Variants in PPM1L observed in about 807,000 individuals in gnomAD.
PPM1L encodes protein phosphatase, Mg2+/Mn2+ dependent 1L.
A neutral mutation model predicts 31.4 loss-of-function variants in PPM1L; 13 were observed. The ratio of observed to expected loss-of-function variants is 0.41; its 90% confidence interval spans 0.27 to 0.66. The LOEUF (loss-of-function observed/expected upper bound fraction) is 0.66. Among genes scored for constraint, PPM1L ranks in the 30% least tolerant of loss-of-function variants. The pLI is 0.29. For synonymous variants in PPM1L, 184 were observed against 175.4 expected (o/e 1.05, Z -0.39); for missense variants, 326 against 453.7 (o/e 0.72, Z 2.56).
rs188138654 is a variant in PPM1L at position 160,997,263 on chromosome 3, A to G, written c.574+35353A>G. 2.6e-4 allele frequency among the ~76,000 whole-genome samples: 39 copies of G among 152,300 alleles called. No individual in the cohort carries two copies. In the East Asian group the frequency reaches 5.6e-3, roughly 22 times the overall value. On this transcript the variant is annotated intron_variant, in intron 2 of 3. Transcript: ENST00000498165. ...AATGAGGAGGTGAAACCAAGGGGACAGTAAATGCTTGCAACAAGGAGCAGG... is the reference window on the plus strand; with the variant it reads ...AATGAGGAGGTGAAACCAAGGGGACGGTAAATGCTTGCAACAAGGAGCAGG...
chr3:160,874,673 A>C lies in PPM1L; in HGVS notation c.400-87063A>C, dbSNP rs533399890. Among the ~76,000 whole-genome samples the C allele has an allele frequency of 5.3e-4, 80 of 152,296 alleles. 1 individual carries two copies. The highest frequency in any genetic ancestry group is 1.1e-3 in the Non-Finnish European group (72 of 68,022). On this transcript the variant is annotated intron_variant, in intron 1 of 3. Coordinates refer to ENST00000498165, the MANE Select transcript of PPM1L (RefSeq NM_139245.4). ...CCCCTGCTTAAACCTATGTGGATGA[A>C]TAGAATGTGTAGAATTAATAATGAT...
At chr3:160,854,393 C>T (rs373062756) in intron 1 of PPM1L, among the ~76,000 whole-genome samples, 1 of 152,118 alleles carries the variant, frequency 6.6e-6, no homozygotes, top group South Asian at 2.1e-4. Flanking sequence ...TTAGGATATA[C>T]GTATCTGGGT....
intron 2 of PPM1L, among the ~76,000 whole-genome samples, chr3:161,002,430 T>C (rs991684843): frequency 1.3e-5 from 2 of 152,198 alleles, no homozygotes; most frequent in African/African-American, 4.8e-5. Context: ...TCCACAATGG[T>C]TGAACTAGTT....
intron 1 of PPM1L, among the ~76,000 whole-genome samples, chr3:160,917,270 G>T (rs1257848651): frequency 6.6e-6 from 1 of 152,130 alleles, no homozygotes; most frequent in Non-Finnish European, 1.5e-5. Flanking sequence ...AGTTATTAAA[G>T]AAATCTCTCA....
intron 1 of PPM1L, among the ~76,000 whole-genome samples, chr3:160,781,943 T>G (rs1711758564): frequency 6.6e-6 from 1 of 152,250 alleles, no homozygotes; most frequent in South Asian, 2.1e-4. Flanking sequence ...ATGTCATTAC[T>G]TATTTTTGGC....
chr3:160,802,268 C>A (rs568062779), intron 1 of PPM1L, among the ~76,000 whole-genome samples: 1 of 152,112 alleles, frequency 6.6e-6, no homozygotes, highest in Non-Finnish European at 1.5e-5. Context: ...GGTCCCTAAC[C>A]CTGGTCAGTG....
rs1559896933 is a variant in PPM1L at position 160,944,814 on chromosome 3, A to ATATGTTATATATAACATATATGT, written c.400-16919_400-16918insGTTATATATAACATATATGTTAT. ...ATGTTATATATAACATATATAACAT[A>ATATGTTATATATAACATATATGT]TATATGTTATATATAACATATATAT... On this transcript the variant is annotated intron_variant, in intron 1 of 3. Transcript: ENST00000498165. Among the ~76,000 whole-genome samples, 21 of 28,288 alleles carry ATATGTTATATATAACATATATGT rather than the reference A, an allele frequency of 7.4e-4. 1 individual carries two copies. Among genetic ancestry groups the ATATGTTATATATAACATATATGT allele is most frequent in the African/African-American group, 2.1e-3 (20 of 9,726 alleles). The allele number at this position is 28,288 out of a possible 152,430, so 18.6% of individuals were successfully genotyped here. A position where few individuals can be genotyped will look rare whatever the true frequency, so the allele number is the denominator to read the frequency against.
chr3:161,005,971 TA>T (rs1240732289), intron 2 of PPM1L, among the ~76,000 whole-genome samples: 2 of 150,324 alleles, frequency 1.3e-5, no homozygotes, highest in African/African-American at 2.5e-5. Flanking sequence ...AAAGATGCAT[TA>T]AAAAAACATA....
intron 1 of PPM1L, among the ~76,000 whole-genome samples, chr3:160,893,476 T>C (rs1184504824): frequency 1.3e-5 from 2 of 152,186 alleles, no homozygotes; most frequent in African/African-American, 4.8e-5. Flanking sequence ...ATCTGTCATT[T>C]TCCTGATTTC....
intron 2 of PPM1L, among the ~76,000 whole-genome samples, chr3:161,004,023 T>G (rs1451076992): frequency 1.4e-5 from 2 of 147,886 alleles, no homozygotes; most frequent in African/African-American, 2.5e-5. Context: ...CATCAATACC[T>G]AATTTATTGA....
chr3:160,906,705 GGCTGAAT>G (rs1713775557), intron 1 of PPM1L, among the ~76,000 whole-genome samples: 1 of 152,180 alleles, frequency 6.6e-6, no homozygotes, highest in Non-Finnish European at 1.5e-5. Context: ...TGGTGGCTAT[GGCTGAAT>G]GCTCATCTGA....
At chr3:160,923,809 G>A (rs1178896238) in intron 1 of PPM1L, among the ~76,000 whole-genome samples, 4 of 152,120 alleles carry the variant, frequency 2.6e-5, no homozygotes, top group Admixed American at 6.5e-5. Context: ...AGCATGTGGC[G>A]GTGCATTTGA....
chr3:160,761,003 A>G (rs1426339999), intron 1 of PPM1L, among the ~76,000 whole-genome samples: 2 of 152,166 alleles, frequency 1.3e-5, no homozygotes, highest in Non-Finnish European at 2.9e-5. Flanking sequence ...AAGCTCAGAA[A>G]ATAAACTCCT....
intron 1 of PPM1L, among the ~76,000 whole-genome samples, chr3:160,766,998 C>G (rs1442113643): frequency 2.0e-5 from 3 of 150,282 alleles, no homozygotes. Flanking sequence ...TACAGTGTTA[C>G]TAGGTGGAGA....
chr3:160,884,777 T>C (rs1277470007), intron 1 of PPM1L, among the ~76,000 whole-genome samples: 1 of 152,160 alleles, frequency 6.6e-6, no homozygotes, highest in East Asian at 1.9e-4. Context: ...GCTTAGTAGA[T>C]GAATAAGATT....
At position 161,070,915 on chromosome 3, in the gene PPM1L, C is replaced by CAG. The variant is rs1719893464; in HGVS notation, c.*1758_*1759insAG. 6.6e-6 allele frequency: 1 copy of CAG among 152,170 alleles called. No homozygotes were observed. Among genetic ancestry groups the CAG allele is most frequent in the Non-Finnish European group, 1.5e-5 (1 of 68,038 alleles). 9.4% of individuals were successfully genotyped at this position (152,170 alleles called of 1,614,324 possible). On this transcript the variant is annotated 3_prime_UTR_variant, in exon 4 of 4. Transcript: ENST00000498165. ...CTTTCTTTGACTGCACTGAGAATTGCTAATGATTTCCCATGAGATTTGCTT... is the reference window on the plus strand; with the variant it reads ...CTTTCTTTGACTGCACTGAGAATTGCAGTAATGATTTCCCATGAGATTTGCTT...
chr3:160,830,686 G>C (rs112845362), intron 1 of PPM1L, among the ~76,000 whole-genome samples: 2 of 152,220 alleles, frequency 1.3e-5, no homozygotes, highest in African/African-American at 4.8e-5. Context: ...ACCATTGCAC[G>C]TGCTGCAGTG....
At chr3:161,025,840 T>C (rs1445299309) in intron 2 of PPM1L, among the ~76,000 whole-genome samples, 3 of 152,324 alleles carry the variant, frequency 2.0e-5, no homozygotes, top group Non-Finnish European at 2.9e-5. Context: ...CTCTTTGAGA[T>C]TGAGTTTATT....
chr3:160,844,637 T>G (rs1263045647), intron 1 of PPM1L, among the ~76,000 whole-genome samples: 1 of 152,142 alleles, frequency 6.6e-6, no homozygotes, highest in Non-Finnish European at 1.5e-5. Context: ...AACTTGTTAG[T>G]TTTTCCTTTT....
Sources: gnomAD v4.1 joint callset for allele counts (sites outside exome capture counted in the v4.1 genomes callset) on GRCh38, gnomAD v4.1.1 for gene constraint, MANE v1.5 for transcripts, NCBI Gene and HGNC (gene_info 2026-07-23, HGNC 2026-07-21) for gene names.